FSTL4: variants seen among roughly 807,000 people sequenced by gnomAD.
FSTL4 encodes the protein follistatin like 4.
Under a neutral mutation model 78.2 loss-of-function variants are expected in FSTL4, and 28 were observed. The ratio of observed to expected loss-of-function variants is 0.36; its 90% CI spans 0.27 to 0.49. The LOEUF is 0.49. Among genes scored for constraint, FSTL4 ranks in the 20% least tolerant of loss-of-function variants. The pLI, the probability that FSTL4 is intolerant of heterozygous loss-of-function variation, is 0.98. For synonymous variants in FSTL4, 422 were observed against 440.5 expected, an observed-to-expected ratio of 0.96 and a Z score of 0.53; for missense variants, 922 against 1,084.9, an observed-to-expected ratio of 0.85 and a Z score of 2.11.
intron 2 of FSTL4, among the ~76,000 whole-genome samples, chr5:133,589,373 A>C (rs1053840620): frequency 5.3e-5 from 8 of 151,802 alleles, no homozygotes; most frequent in Middle Eastern, 3.4e-3. Context: ...TCCCAAGGCC[A>C]ATTCTTAAAA....
At chr5:133,392,209 G>T (rs1755866872) in intron 4 of FSTL4, among the ~76,000 whole-genome samples, 4 of 152,146 alleles carry the variant, frequency 2.6e-5, no homozygotes, top group South Asian at 4.2e-4. Context: ...ATCCCAGGTG[G>T]AATGAGAGGT....
rs78785371 is a variant in FSTL4, at chr5:133,215,174, G to T, written c.1608+2055C>A. On this transcript the variant is annotated intron_variant, in intron 13 of 15. Coordinates refer to ENST00000265342, the MANE Select transcript of FSTL4 (RefSeq NM_015082.2). ...AAACACACTCTTCTTTTAGCTTCAA[G>T]AATATCTCTCTTTATCCTAATTTTT... Among the ~76,000 whole-genome samples, 251 of 152,316 alleles carry T rather than the reference G, an allele frequency of 1.6e-3. 2 individuals carry two copies. Among genetic ancestry groups the T allele is most frequent in the African/African-American group, 5.9e-3 (247 of 41,562 alleles).
At chr5:133,487,105 A>T (rs1758153633) in intron 3 of FSTL4, among the ~76,000 whole-genome samples, 1 of 152,142 alleles carries the variant, frequency 6.6e-6, no homozygotes, top group Non-Finnish European at 1.5e-5. Context: ...CCCATACACC[A>T]ATGAACTGCA....
At chr5:133,456,319 C>T (rs1015237518) in intron 3 of FSTL4, among the ~76,000 whole-genome samples, 2 of 152,214 alleles carry the variant, frequency 1.3e-5, no homozygotes, top group African/African-American at 4.8e-5. Flanking sequence ...AACAAGTGGG[C>T]CATGCTCGGA....
At chr5:133,471,193 T>C (rs529495063) in intron 3 of FSTL4, among the ~76,000 whole-genome samples, 2 of 152,290 alleles carry the variant, frequency 1.3e-5, no homozygotes, top group South Asian at 2.1e-4. Context: ...TGCATTAAAA[T>C]ATTATTTGTT....
At chr5:133,597,955 C>T (rs1008300525) in intron 2 of FSTL4, among the ~76,000 whole-genome samples, 4 of 152,120 alleles carry the variant, frequency 2.6e-5, no homozygotes, top group Non-Finnish European at 5.9e-5. Context: ...AAACCACCTA[C>T]AGACAAGCCA....
In FSTL4 at chr5:133,224,188, A is replaced by G; in HGVS notation, c.1339+2T>C. ...ATGACGCAAAACAATGAAGCTTGGT[A>G]CCTTCCTCTCGCCACAGGATGTTTG... On this transcript the variant is annotated splice_donor_variant, in intron 11 of 15. Coordinates refer to ENST00000265342, the MANE Select transcript of FSTL4 (RefSeq NM_015082.2). LOFTEE classifies it high-confidence loss of function. 6.2e-7 allele frequency: 1 copy of G among 1,612,310 alleles called. No homozygotes were observed. Among genetic ancestry groups the G allele is most frequent in the South Asian group, 1.1e-5 (1 of 90,920 alleles).
chr5:133,514,229 G>A (rs939944124), intron 3 of FSTL4, among the ~76,000 whole-genome samples: 2 of 139,318 alleles, frequency 1.4e-5, no homozygotes, highest in African/African-American at 2.5e-5. Context: ...ATAATAAACC[G>A]TTGGTTCAGG....
the FSTL4 span, among the ~76,000 whole-genome samples, chr5:133,717,269 T>TACTC: frequency 6.6e-6 from 1 of 152,246 alleles, no homozygotes; most frequent in Non-Finnish European, 1.5e-5. Context: ...AGAGCCCTTA[T>TACTC]ACTCCTTATA....
In FSTL4 at chr5:133,316,531, G is replaced by A. The variant is rs148727806; in HGVS notation, c.531C>T (p.Leu177=). 1.3e-5 allele frequency: 21 copies of A among 1,614,120 alleles called. No individual in the cohort carries two copies. In the South Asian group the frequency reaches 2.3e-4, roughly 18 times the overall value. Residue 177 remains leucine (L), a synonymous_variant, in exon 5 of 16, where the codon CTC becomes CTT. Coordinates refer to ENST00000265342, the MANE Select transcript of FSTL4 (RefSeq NM_015082.2). ...AGTCCCTGAACAGAGATTCCACCAG[G>A]AGGCGCTTCTGGGAGGCAGGGTCTT... ...SRQDPASQKR[L]LVESLFRDLD... is the part of the protein sequence containing the mutation.
Position 133,443,660 on chromosome 5 carries a change from T to C in FSTL4, c.161-42674A>G, listed in dbSNP as rs79461750. On this transcript the variant is annotated intron_variant, in intron 3 of 15. Coordinates refer to ENST00000265342, the MANE Select transcript of FSTL4 (RefSeq NM_015082.2). Reference sequence around the variant, plus strand: ...ATCCAGCTCCTCTCAGGCCAGCCTGTCTGTGGGTTCAGCCCGATATTCTGA... The same window carrying C: ...ATCCAGCTCCTCTCAGGCCAGCCTGCCTGTGGGTTCAGCCCGATATTCTGA... 3.3e-3 allele frequency among the ~76,000 whole-genome samples: 503 copies of C among 152,320 alleles called. 5 individuals are homozygous for C. The highest frequency in any genetic ancestry group is 0.012 in the African/African-American group (485 of 41,560).
chr5:133,841,515 C>T, the FSTL4 span, among the ~76,000 whole-genome samples: 1 of 152,240 alleles, frequency 6.6e-6, no homozygotes, highest in Non-Finnish European at 1.5e-5. Context: ...ATATTGACCA[C>T]CTACTATGTA....
At chr5:133,240,032 T>C (rs912086446) in intron 7 of FSTL4, among the ~76,000 whole-genome samples, 1 of 149,998 alleles carries the variant, frequency 6.7e-6, no homozygotes, top group Admixed American at 6.6e-5. Flanking sequence ...AGCTTTGTTC[T>C]TTTGCTCTTT....
the FSTL4 span, among the ~76,000 whole-genome samples, chr5:133,778,283 C>T: frequency 3.3e-5 from 5 of 152,192 alleles, no homozygotes; most frequent in Non-Finnish European, 5.9e-5. Flanking sequence ...GAAAGCCCAC[C>T]ACCCACTGAA....
chr5:133,408,868 C>T (rs1467390311), intron 3 of FSTL4, among the ~76,000 whole-genome samples: 1 of 152,134 alleles, frequency 6.6e-6, no homozygotes, highest in Admixed American at 6.5e-5. Context: ...GTGCTCAATT[C>T]GGACACTGAA....
At chr5:133,678,400 G>C in the FSTL4 span, among the ~76,000 whole-genome samples, 1 of 152,112 alleles carries the variant, frequency 6.6e-6, no homozygotes, top group African/African-American at 2.4e-5. Context: ...TTACTTTGAT[G>C]GTGAAGATGA....
the FSTL4 span, among the ~76,000 whole-genome samples, chr5:133,691,948 A>G: frequency 2.6e-3 from 400 of 152,354 alleles, 1 homozygote; most frequent in Middle Eastern, 0.017. Flanking sequence ...ACAAATTAAT[A>G]GCACACTACA....
intron 4 of FSTL4, among the ~76,000 whole-genome samples, chr5:133,398,876 C>T (rs1415366703): frequency 6.6e-6 from 1 of 152,176 alleles, no homozygotes; most frequent in Non-Finnish European, 1.5e-5. Flanking sequence ...ACTGCTATAC[C>T]AAGTGGGCGG....
At chr5:133,460,314 G>T (rs560623846) in intron 3 of FSTL4, among the ~76,000 whole-genome samples, 1 of 151,784 alleles carries the variant, frequency 6.6e-6, no homozygotes, top group African/African-American at 2.4e-5. Context: ...CTTTCCAAGG[G>T]CAGCAACCAA....
Sources: gnomAD v4.1 joint callset for allele counts (sites outside exome capture counted in the v4.1 genomes callset) on GRCh38, gnomAD v4.1.1 for gene constraint, MANE v1.5 for transcripts, NCBI Gene and HGNC (gene_info 2026-07-23, HGNC 2026-07-21) for gene names.